DSCAML1: variants seen among roughly 807,000 people sequenced by gnomAD.
DSCAML1 encodes the protein cell adhesion molecule DSCAML1.
DSCAML1 carries 38 observed loss-of-function variants against 200.5 expected under a neutral mutation model. That is an observed-to-expected ratio of 0.19 (90% CI 0.15 to 0.25). The LOEUF is 0.25. Among genes scored for constraint, DSCAML1 ranks in the 10% least tolerant of loss-of-function variants. The pLI is 1.00. For missense variants in DSCAML1, 2,223 were observed against 2,858.8 expected, an observed-to-expected ratio of 0.78 and a Z score of 5.07; for synonymous variants, 1,215 against 1,165.0, an observed-to-expected ratio of 1.04 and a Z score of -0.87.
chr11:117,669,141 C>T (rs1023632327), intron 3 of DSCAML1, among the ~76,000 whole-genome samples: 21 of 152,312 alleles, frequency 1.4e-4, no homozygotes, highest in African/African-American at 2.9e-4. Flanking sequence ...AATGCAAATC[C>T]GACAATTACA....
At position 117,583,010 on chromosome 11, in the gene DSCAML1, T is replaced by TTATTATTA. The variant is rs1362862776; in HGVS notation, c.512-50496_512-50489dup. On this transcript the variant is annotated intron_variant, in intron 3 of 32. Coordinates refer to ENST00000651296, the MANE Select transcript of DSCAML1 (RefSeq NM_020693.4). ...GACAGGGATATTATTATTATTATTA[T>TTATTATTA]TATTATTATTGTAGCACTAGCATTC... is the stretch of plus-strand genomic sequence containing the variant. Among the ~76,000 whole-genome samples the TTATTATTA allele has an allele frequency of 2.7e-5, 4 of 150,356 alleles. No individual in the cohort carries two copies. In the East Asian group the frequency reaches 7.7e-4, roughly 29 times the overall value.
chr11:117,615,574 G>T (rs73590615), intron 3 of DSCAML1, among the ~76,000 whole-genome samples: 5 of 152,064 alleles, frequency 3.3e-5, no homozygotes, highest in Non-Finnish European at 7.4e-5. Context: ...GTACAGGCAG[G>T]TCTCTCACCC....
At chr11:117,804,696 T>G (rs947554366) in intron 1 of DSCAML1, among the ~76,000 whole-genome samples, 1 of 152,212 alleles carries the variant, frequency 6.6e-6, no homozygotes, top group Admixed American at 6.5e-5. Flanking sequence ...TTCGAGAGGC[T>G]GAGGTGAGAG....
rs1320969207 is a variant in DSCAML1, at chr11:117,489,820, G to T, written c.2360-7658C>A. On this transcript the variant is annotated intron_variant, in intron 11 of 32. Transcript: ENST00000651296. The surrounding 1 kb of genome is among the most constrained non-coding windows in gnomAD (Gnocchi z 4.8). ...ATCCCCTGCATGGCACGTGTCCTCCGGCAGCGTCCTTGCCTCCTTGTGTGT... is the reference window on the plus strand; with the variant it reads ...ATCCCCTGCATGGCACGTGTCCTCCTGCAGCGTCCTTGCCTCCTTGTGTGT... Among the ~76,000 whole-genome samples, 1 of 152,190 alleles carries T rather than the reference G, an allele frequency of 6.6e-6. No homozygotes were observed. Among genetic ancestry groups the T allele is most frequent in the Admixed American group, 6.5e-5 (1 of 15,280 alleles).
chr11:117,704,103 A>G (rs1427789544), intron 3 of DSCAML1, among the ~76,000 whole-genome samples: 1 of 150,714 alleles, frequency 6.6e-6, no homozygotes, highest in African/African-American at 2.4e-5. Context: ...AGTATGAGAC[A>G]AAGAAGGAAG....
chr11:117,708,828 T>C (rs1445729485), intron 3 of DSCAML1, among the ~76,000 whole-genome samples: 6 of 152,164 alleles, frequency 3.9e-5, no homozygotes, highest in African/African-American at 1.4e-4. Flanking sequence ...GCCAGACACA[T>C]GGCAGAGTAC....
intron 3 of DSCAML1, among the ~76,000 whole-genome samples, chr11:117,749,450 G>C (rs538509186): frequency 6.6e-5 from 10 of 152,326 alleles, no homozygotes; most frequent in African/African-American, 2.4e-4. Context: ...GCCACGAACT[G>C]CCCTGTGCCT....
intron 3 of DSCAML1, among the ~76,000 whole-genome samples, chr11:117,675,473 T>A (rs1342809779): frequency 1.9e-5 from 2 of 103,664 alleles, no homozygotes; most frequent in Non-Finnish European, 3.5e-5. Context: ...GATTGAAATT[T>A]TTTTTTTTTT....
chr11:117,430,337 C>T (rs1049695803), intron 32 of DSCAML1, among the ~76,000 whole-genome samples: 7 of 152,190 alleles, frequency 4.6e-5, no homozygotes, highest in African/African-American at 1.7e-4. Context: ...GATCTGTTTC[C>T]ATCCTGGCAC....
rs112556252 is a variant in DSCAML1 at position 117,443,688 on chromosome 11, G to C, written c.3862+198C>G. Reference sequence around the variant, plus strand: ...CCCAGGCAAGAGCCGGAGGCAGCCTGTTGTGAGGCTTTGCTGGAGTCAGGG... The same window carrying C: ...CCCAGGCAAGAGCCGGAGGCAGCCTCTTGTGAGGCTTTGCTGGAGTCAGGG... On this transcript the variant is annotated intron_variant, in intron 21 of 32. Transcript: ENST00000651296. Among the ~76,000 whole-genome samples the C allele has an allele frequency of 3.0e-3, 463 of 152,366 alleles. 2 individuals are homozygous for C. The highest frequency in any genetic ancestry group is 0.01 in the African/African-American group (434 of 41,588).
In DSCAML1 at chr11:117,504,977, T is replaced by G; in HGVS notation, c.2129A>C (p.Asn710Thr). Residue 710 changes from asparagine to threonine, a missense_variant, in exon 10 of 33, where the codon AAC (asparagine) becomes ACC (threonine). Around this residue, in one of 7 missense-constraint regions of DSCAML1, gnomAD observed 212 missense variants for 368.0 expected, o/e 0.58. Coordinates refer to ENST00000651296, the MANE Select transcript of DSCAML1 (RefSeq NM_020693.4). The surrounding 1 kb of genome is among the most constrained non-coding windows in gnomAD (Gnocchi z 5.0). ...TGGGGGGTAGCCGTCCACCGAGCAG[T>G]TGAGCACACCAGCTTTGCCGTAGAT... ...DGIYGKAGVL[N>T]CSVDGYPPPK... 1 of 1,612,246 alleles carries G rather than the reference T, an allele frequency of 6.2e-7. No homozygotes were observed. The highest frequency in any genetic ancestry group is 1.7e-5 in the Admixed American group (1 of 59,984).
At chr11:117,735,580 C>G (rs192222995) in intron 3 of DSCAML1, among the ~76,000 whole-genome samples, 128 of 152,280 alleles carry the variant, frequency 8.4e-4, no homozygotes, top group African/African-American at 3.0e-3. Context: ...AAGGCTGGCC[C>G]TCCATAGAAA....
intron 3 of DSCAML1, among the ~76,000 whole-genome samples, chr11:117,698,278 G>A (rs1411925286): frequency 6.6e-6 from 1 of 152,128 alleles, no homozygotes; most frequent in Non-Finnish European, 1.5e-5. Flanking sequence ...GGTCATATGG[G>A]AATTTTATGT....
At chr11:117,638,810 T>C (rs2052342213) in intron 3 of DSCAML1, among the ~76,000 whole-genome samples, 1 of 152,224 alleles carries the variant, frequency 6.6e-6, no homozygotes, top group Non-Finnish European at 1.5e-5. Context: ...TTTCTGCTTT[T>C]TGGCTATTAA....
chr11:117,720,332 A>T (rs1011323997), intron 3 of DSCAML1, among the ~76,000 whole-genome samples: 1 of 152,166 alleles, frequency 6.6e-6, no homozygotes, highest in East Asian at 1.9e-4. Flanking sequence ...AAGAGTGCAC[A>T]CGCCCTCCCA....
intron 19 of DSCAML1, among the ~76,000 whole-genome samples, chr11:117,458,295 A>AT (rs1350918777): frequency 1.3e-5 from 2 of 152,114 alleles, no homozygotes; most frequent in Non-Finnish European, 2.9e-5. Context: ...GCACACCCCC[A>AT]TCCCTGCCTT....
chr11:117,515,842 A>G (rs2049755205), intron 8 of DSCAML1, among the ~76,000 whole-genome samples: 2 of 151,886 alleles, frequency 1.3e-5, no homozygotes, highest in Non-Finnish European at 2.9e-5. Context: ...GCTGGTCTCA[A>G]ACTCCTGACC....
intron 3 of DSCAML1, among the ~76,000 whole-genome samples, chr11:117,620,086 C>T (rs1366210903): frequency 6.6e-6 from 1 of 152,154 alleles, no homozygotes; most frequent in African/African-American, 2.4e-5. Context: ...ATAAACATTG[C>T]TGAGTAAAAA....
At chr11:117,534,346 G>A (rs1388674851) in intron 3 of DSCAML1, among the ~76,000 whole-genome samples, 4 of 152,198 alleles carry the variant, frequency 2.6e-5, no homozygotes, top group Admixed American at 6.5e-5. Flanking sequence ...TTTGACAAAG[G>A]TTCATCAGCC....
Sources: allele counts gnomAD v4.1 joint callset (sites outside exome capture counted in the v4.1 genomes callset), GRCh38; gene constraint gnomAD v4.1.1; regional missense constraint gnomAD v4.1.1; non-coding constraint Gnocchi (gnomAD v3.1); transcripts MANE v1.5; gene names NCBI Gene and HGNC (gene_info 2026-07-23, HGNC 2026-07-21).